The following PXDN variants were observed in gnomAD, a reference collection of about 807,000 sequenced individuals.
PXDN encodes peroxidasin homolog.
In PXDN, 77 loss-of-function variants were observed where a neutral mutation model predicts 140.3. The observed-to-expected ratio is 0.55, with a 90% CI of 0.46 to 0.66. PXDN has a LOEUF of 0.66. Ranked by LOEUF, PXDN falls within the 30% of genes least tolerant of loss-of-function variation. PXDN has a pLI of 0.00. For synonymous variants in PXDN, 911 were observed against 857.4 expected, an observed-to-expected ratio of 1.06 and a Z score of -1.09; for missense variants, 1,838 against 2,039.5, an observed-to-expected ratio of 0.90 and a Z score of 1.90.
chr2:1,695,100 C>G (rs1446703841), intron 1 of PXDN, among the ~76,000 whole-genome samples: 1 of 152,214 alleles, frequency 6.6e-6, no homozygotes, highest in East Asian at 1.9e-4. Flanking sequence ...CCCGTGGGAA[C>G]CCACACGCAA....
chr2:1,668,152 C>T (rs1683490341), intron 9 of PXDN, among the ~76,000 whole-genome samples: 1 of 152,174 alleles, frequency 6.6e-6, no homozygotes, highest in Admixed American at 6.5e-5. Context: ...CACCACCCAT[C>T]TACAACCATC....
chr2:1,721,067 T>C lies in PXDN; in HGVS notation c.200+23189A>G, dbSNP rs1685039183. ...ACCCACACCACAGAGGACAGTCGGC[T>C]CTACTCAAAGTCTCCAGATTTAAAT... On this transcript the variant is annotated intron_variant, in intron 1 of 22. Transcript: ENST00000252804. Among the ~76,000 whole-genome samples the C allele has an allele frequency of 1.3e-5, 2 of 152,296 alleles. 1 individual carries two copies. The highest frequency in any genetic ancestry group is 3.9e-4 in the East Asian group (2 of 5,180).
rs200996147 is a variant in PXDN, at chr2:1,666,392, C to T, written c.1113G>A (p.Pro371=). Reference sequence around the variant, plus strand: ...GGTCACCTCTCGTCCAGGAGATCCGCGGCGGGGGGTGGCCTGTGGCGCTGC... The same window carrying T: ...GGTCACCTCTCGTCCAGGAGATCCGTGGCGGGGGGTGGCCTGTGGCGCTGC... The part of the protein sequence containing the change: ...LECSATGHPP[P]RISWTRGDRT... The change falls in exon 10 of 23, where the codon CCG becomes CCA. Residue 371 remains proline, a synonymous_variant. Coordinates refer to ENST00000252804, the MANE Select transcript of PXDN (RefSeq NM_012293.3). 1,271 of 1,612,372 alleles carry T rather than the reference C, an allele frequency of 7.9e-4. 12 individuals carry two copies. The African/African-American group carries it at 0.015, about 19-fold the overall frequency.
At position 1,648,300 on chromosome 2, in the gene PXDN, C is replaced by T. The variant is rs201217556; in HGVS notation, c.3480G>A (p.Gln1160=). ...GTGGGATCCCGTGGTCCCGGCCCCG[C>T]TGGATGTTGATGGCCGCCAGGTCCA... is the stretch of plus-strand genomic sequence containing the variant. ...VALDLAAINI[Q]RGRDHGIPPY... is the part of the protein sequence containing the mutation. The change falls in exon 17 of 23, where the codon CAG becomes CAA. Residue 1160 remains glutamine, a synonymous_variant. Transcript: ENST00000252804. The surrounding 1 kb of genome is among the most constrained non-coding windows in gnomAD (Gnocchi z 8.9). 90 of 1,613,940 alleles carry T rather than the reference C, an allele frequency of 5.6e-5. No individual in the cohort carries two copies. The East Asian group carries it at 2.0e-3, about 36-fold the overall frequency.
intron 1 of PXDN, among the ~76,000 whole-genome samples, chr2:1,716,776 G>A (rs76650444): frequency 0.043 from 6,478 of 152,184 alleles, 435 homozygotes; most frequent in African/African-American, 0.15. Context: ...AGGGGTAACC[G>A]CTCCAGACAC....
intron 1 of PXDN, among the ~76,000 whole-genome samples, chr2:1,697,197 G>T (rs1219000967): frequency 1.3e-5 from 2 of 152,166 alleles, no homozygotes. Flanking sequence ...TGTTCTTCGG[G>T]AATGCTGAAG....
intron 1 of PXDN, among the ~76,000 whole-genome samples, chr2:1,699,633 C>T (rs1684376035): frequency 6.6e-6 from 1 of 152,108 alleles, no homozygotes; most frequent in Non-Finnish European, 1.5e-5. Flanking sequence ...TCCCTTGAAC[C>T]CAGGAGGTGG....
intron 1 of PXDN, among the ~76,000 whole-genome samples, chr2:1,717,776 A>G (rs1301612042): frequency 2.6e-5 from 4 of 151,374 alleles, no homozygotes; most frequent in Non-Finnish European, 4.4e-5. Flanking sequence ...AACCTGCTCT[A>G]CTAACCTACT....
intron 1 of PXDN, among the ~76,000 whole-genome samples, chr2:1,742,471 C>T (rs758171947): frequency 1.7e-4 from 26 of 152,180 alleles, no homozygotes; most frequent in Non-Finnish European, 3.4e-4. Context: ...TTCGGTGAGG[C>T]GTTTGTGGAC....
intron 1 of PXDN, among the ~76,000 whole-genome samples, chr2:1,739,370 G>A (rs1572207410): frequency 6.6e-6 from 1 of 152,000 alleles, no homozygotes; most frequent in East Asian, 1.9e-4. Context: ...ACAGCATGTC[G>A]ACCCTGGATC....
Position 1,666,214 on chromosome 2 carries a change from C to A in PXDN, c.1291G>T (p.Ala431Ser). ...TCTGGCACAGAGGATGGATACCCAC[C>A]CTGGACGATGATGAAAGCGGTGGCA... Reference protein sequence around the residue: ...VHATAFIIVQALPQFTVTPQD... With the variant: ...VHATAFIIVQSLPQFTVTPQD... Residue 431 changes from alanine to serine, a missense_variant and splice_region_variant, in exon 10 of 23, where the codon GCT (alanine) becomes TCT (serine). Transcript: ENST00000252804. 2 of 1,613,570 alleles carry A rather than the reference C, an allele frequency of 1.2e-6. No individual in the cohort carries two copies. The highest frequency in any genetic ancestry group is 2.2e-5 in the South Asian group (2 of 91,072).
chr2:1,680,410 G>GTCCA, intron 6 of PXDN, 48 bp from the exon 7 acceptor site: 1 of 1,602,120 alleles, frequency 6.2e-7, no homozygotes, highest in Non-Finnish European at 8.5e-7. Flanking sequence ...GGCTGGGCTT[G>GTCCA]TCCATCCATC....
Position 1,639,028 on chromosome 2 carries a change from C to T in PXDN, c.4074-50G>A, listed in dbSNP as rs764539246. 2.8e-5 allele frequency: 45 copies of T among 1,599,576 alleles called. No homozygotes were observed. The highest frequency in any genetic ancestry group is 2.4e-4 in the African/African-American group (18 of 74,318). ...AGGGAAATATAACCTTGGCAGGTCA[C>T]GCCGGGTCTCATTTCAAGGTTTCCT... is the stretch of plus-strand genomic sequence containing the variant. On this transcript the variant is annotated intron_variant, in intron 20 of 22. Coordinates refer to ENST00000252804, the MANE Select transcript of PXDN (RefSeq NM_012293.3). This position sits in a 1 kb window ranked among gnomAD's most constrained non-coding sequence, Gnocchi z 5.0.
chr2:1,741,629 T>C (rs759043332), intron 1 of PXDN, among the ~76,000 whole-genome samples: 8 of 152,168 alleles, frequency 5.3e-5, no homozygotes, highest in Non-Finnish European at 7.4e-5. Flanking sequence ...TGTTTTCCAA[T>C]GGCTCTGATT....
chr2:1,660,245 A>T lies in PXDN; in HGVS notation c.1837+636T>A, dbSNP rs1330013486. On this transcript the variant is annotated intron_variant, in intron 14 of 22. Coordinates refer to ENST00000252804, the MANE Select transcript of PXDN (RefSeq NM_012293.3). The surrounding 1 kb of genome is among the most constrained non-coding windows in gnomAD (Gnocchi z 4.6). ...TCATGGGGTCTGTGGGTTGAGAAAG[A>T]GGGGCCAGAGTGACCCGGGCCTCTG... Among the ~76,000 whole-genome samples the T allele has an allele frequency of 6.6e-6, 1 of 152,138 alleles. No individual in the cohort carries two copies. Among genetic ancestry groups the T allele is most frequent in the Non-Finnish European group, 1.5e-5 (1 of 68,026 alleles).
chr2:1,701,094 G>C, intron 1 of PXDN, among the ~76,000 whole-genome samples: 1 of 152,212 alleles, frequency 6.6e-6, no homozygotes, highest in Non-Finnish European at 1.5e-5. Context: ...CTGAAAGTGG[G>C]AGGCTGGGGG....
chr2:1,671,406 A>AC (rs138147383), intron 9 of PXDN, among the ~76,000 whole-genome samples: 1,706 of 151,048 alleles, frequency 0.011, 36 homozygotes, highest in African/African-American at 0.039. Context: ...AAAACTTAGG[A>AC]TTTTTTTTTT....
intron 1 of PXDN, among the ~76,000 whole-genome samples, chr2:1,709,016 C>T (rs1684687535): frequency 6.6e-6 from 1 of 152,194 alleles, no homozygotes; most frequent in African/African-American, 2.4e-5. Context: ...TCTGCTGAGG[C>T]TGCCAGTTCA....
intron 8 of PXDN, among the ~76,000 whole-genome samples, chr2:1,675,287 T>C (rs1052269233): frequency 2.0e-5 from 3 of 152,120 alleles, no homozygotes; most frequent in Non-Finnish European, 4.4e-5. Context: ...CCAGCACAGG[T>C]CACCAGGCCT....
Sources: gnomAD v4.1 joint callset for allele counts (sites outside exome capture counted in the v4.1 genomes callset) on GRCh38, gnomAD v4.1.1 for gene constraint, Gnocchi (gnomAD v3.1) non-coding constraint, MANE v1.5 for transcripts, NCBI Gene and HGNC (gene_info 2026-07-23, HGNC 2026-07-21) for gene names.